SCUBE2: variants seen among roughly 807,000 people sequenced by gnomAD.
SCUBE2 encodes signal peptide, CUB and EGF-like domain-containing protein 2.
A neutral mutation model predicts 125.9 loss-of-function variants in SCUBE2; 114 were observed. The observed-to-expected ratio is 0.91, with a 90% CI of 0.78 to 1.06. SCUBE2 has a LOEUF of 1.06. Ranked by LOEUF, SCUBE2 falls within the 50% of genes least tolerant of loss-of-function variation. The pLI, the probability that SCUBE2 is intolerant of heterozygous loss-of-function variation, is 0.00. For synonymous variants in SCUBE2, 459 were observed against 492.9 expected (o/e 0.93, Z 0.91); for missense variants, 1,255 against 1,301.8 (o/e 0.96, Z 0.55).
At chr11:9,073,764 T>G (rs554524047) in intron 4 of SCUBE2, among the ~76,000 whole-genome samples, 13 of 152,272 alleles carry the variant, frequency 8.5e-5, no homozygotes, top group Non-Finnish European at 1.6e-4. Flanking sequence ...AAGGATGACA[T>G]TCAGTTAAAA....
chr11:9,089,671 C>T (rs1405056445), intron 2 of SCUBE2, 36 bp downstream of exon 2: 1 of 1,607,322 alleles, frequency 6.2e-7, no homozygotes, highest in South Asian at 1.1e-5. Context: ...TAGGAGCTTC[C>T]CTACAGTCCC....
In SCUBE2 at chr11:9,074,417, T is replaced by TGC. The variant is rs1221996831; in HGVS notation, c.517+62_517+63dup. The stretch of plus-strand genomic sequence containing the variant: ...TTCCCCTCTAGAGTCAGTGTGTGTG[T>TGC]GCGCGTGCAAGGGAGAGGGTCTCAG... On this transcript the variant is annotated intron_variant, in intron 4 of 22. Coordinates refer to ENST00000649792, the MANE Select transcript of SCUBE2 (RefSeq NM_001367977.2). 5.1e-6 allele frequency: 8 copies of TGC among 1,583,248 alleles called. No homozygotes were observed. In the East Asian group the frequency reaches 1.6e-4, roughly 31 times the overall value.
chr11:9,066,029 T>C (rs1395726739), intron 6 of SCUBE2, 49 bp from the exon 7 acceptor site: 1 of 1,295,334 alleles, frequency 7.7e-7, no homozygotes, highest in Admixed American at 1.7e-5. Flanking sequence ...TGAGTTAGAT[T>C]GCTCATCCCC....
chr11:9,030,733 A>G, intron 18 of SCUBE2, 25 bp downstream of exon 18: 1 of 1,601,344 alleles, frequency 6.2e-7, no homozygotes. Context: ...CAGTCCTAGA[A>G]AAAGGCAAGC....
chr11:9,075,893 G>T (rs1485773509), intron 3 of SCUBE2, among the ~76,000 whole-genome samples: 2 of 152,220 alleles, frequency 1.3e-5, no homozygotes, highest in Admixed American at 6.5e-5. Context: ...AGGATGGAAA[G>T]TTGACACCAA....
At chr11:9,035,054 C>T (rs1365133732) in intron 16 of SCUBE2, among the ~76,000 whole-genome samples, 3 of 152,256 alleles carry the variant, frequency 2.0e-5, no homozygotes, top group South Asian at 2.1e-4. Flanking sequence ...GGAAATTCAT[C>T]AATGTTGCTT....
Position 9,066,774 on chromosome 11 carries a change from C to T in SCUBE2, c.683G>A (p.Cys228Tyr). The T allele has an allele frequency of 6.2e-7, 1 of 1,614,112 alleles. No individual in the cohort carries two copies. The highest frequency in any genetic ancestry group is 8.5e-7 in the Non-Finnish European group (1 of 1,180,018). Residue 228 changes from cysteine to tyrosine, a missense_variant, in exon 6 of 23, where the codon TGT (cysteine) becomes TAT (tyrosine). Physicochemically the swap from Cys to Tyr is radical, Grantham distance 194. Coordinates refer to ENST00000649792, the MANE Select transcript of SCUBE2 (RefSeq NM_001367977.2). ...CTCTGGGCCATCGGCTGTATCGTCA[C>T]AGGAGTGCTGGCACCCACCGTTCCC... The part of the protein sequence containing the change: ...NHGNGGCQHS[C>Y]DDTADGPECS...
chr11:9,081,057 A>T (rs1023094291), intron 2 of SCUBE2, among the ~76,000 whole-genome samples: 2 of 152,248 alleles, frequency 1.3e-5, no homozygotes, highest in South Asian at 4.1e-4. Context: ...TTTCACATTC[A>T]CTAGAATGGT....
intron 13 of SCUBE2, among the ~76,000 whole-genome samples, chr11:9,051,534 G>A (rs529703137): frequency 6.6e-6 from 1 of 152,294 alleles, no homozygotes; most frequent in East Asian, 1.9e-4. Flanking sequence ...CCCACTGTGA[G>A]AGCCTGATGT....
chr11:9,029,814 C>T (rs1856133839), intron 19 of SCUBE2, 70 bp downstream of exon 19: 1 of 1,573,908 alleles, frequency 6.4e-7, no homozygotes, highest in Non-Finnish European at 8.7e-7. Context: ...CCCGTGCCCC[C>T]TGCTCTGAGG....
intron 5 of SCUBE2, among the ~76,000 whole-genome samples, chr11:9,067,756 T>C (rs895246697): frequency 1.3e-5 from 2 of 152,224 alleles, no homozygotes; most frequent in South Asian, 2.1e-4. Context: ...TGTTAAAATA[T>C]GTTAATGTTA....
At chr11:9,032,755 AC>A (rs1856424489) in intron 17 of SCUBE2, among the ~76,000 whole-genome samples, 1 of 152,186 alleles carries the variant, frequency 6.6e-6, no homozygotes, top group Non-Finnish European at 1.5e-5. Context: ...TAATAATGTC[AC>A]ATACAAGGGT....
chr11:9,046,950 A>C (rs1857842697), intron 16 of SCUBE2, among the ~76,000 whole-genome samples: 1 of 152,226 alleles, frequency 6.6e-6, no homozygotes, highest in South Asian at 2.1e-4. Context: ...CTTGGGCCTC[A>C]TGATTCTACT....
chr11:9,040,496 C>G (rs375311784), intron 16 of SCUBE2, among the ~76,000 whole-genome samples: 4 of 111,038 alleles, frequency 3.6e-5, no homozygotes, highest in African/African-American at 1.3e-4. Flanking sequence ...GGGTACACAG[C>G]GTGGGTACGC....
intron 14 of SCUBE2, 55 bp downstream of exon 14, chr11:9,050,551 C>T: frequency 7.2e-7 from 1 of 1,392,290 alleles, no homozygotes. Context: ...CGGCTGGCTG[C>T]AGGCCCCTTC....
At chr11:9,076,069 G>T (rs185013368) in intron 3 of SCUBE2, among the ~76,000 whole-genome samples, 1 of 152,348 alleles carries the variant, frequency 6.6e-6, no homozygotes, top group Admixed American at 6.5e-5. Flanking sequence ...GCTTGGAAGA[G>T]AATCTGGTGG....
At chr11:9,064,195 G>A (rs1859970692) in intron 7 of SCUBE2, among the ~76,000 whole-genome samples, 1 of 152,134 alleles carries the variant, frequency 6.6e-6, no homozygotes, top group African/African-American at 2.4e-5. Flanking sequence ...GGCCAGGCAT[G>A]AAGGCTCACA....
chr11:9,089,861 G>C, intron 1 of SCUBE2, 32 bp from the exon 2 acceptor site: 1 of 1,608,822 alleles, frequency 6.2e-7, no homozygotes, highest in Non-Finnish European at 8.5e-7. Flanking sequence ...ACCTGGTACA[G>C]GCTCCCAGGC....
chr11:9,085,800 C>T (rs532073716), intron 2 of SCUBE2, among the ~76,000 whole-genome samples: 59 of 151,094 alleles, frequency 3.9e-4, no homozygotes, highest in Non-Finnish European at 5.3e-4. Context: ...TAGATTCATC[C>T]CTGTTAAACT....
Sources: allele counts gnomAD v4.1 joint callset (sites outside exome capture counted in the v4.1 genomes callset), GRCh38; gene constraint gnomAD v4.1.1; transcripts MANE v1.5; gene names NCBI Gene and HGNC (gene_info 2026-07-23, HGNC 2026-07-21).